The following DLGAP2 variants were observed in gnomAD, a reference collection of about 807,000 sequenced individuals.
DLGAP2 encodes the protein disks large-associated protein 2.
DLGAP2 carries 26 observed loss-of-function variants against 100.3 expected under a neutral mutation model. The ratio of observed to expected loss-of-function variants is 0.26; its 90% CI spans 0.19 to 0.36. DLGAP2 has a LOEUF of 0.36. DLGAP2 is among the 10% of genes least tolerant of loss of function. The probability of loss-of-function intolerance (pLI) is 1.00; values close to 1 mark genes in which losing one functional copy is unlikely to be tolerated. For missense variants in DLGAP2, 1,858 were observed against 1,453.2 expected (o/e 1.28, Z -4.53); for synonymous variants, 886 against 630.1 (o/e 1.41, Z -6.08).
chr8:1,327,986 C>A (rs1801060916), intron 3 of DLGAP2, among the ~76,000 whole-genome samples: 1 of 152,136 alleles, frequency 6.6e-6, no homozygotes, highest in African/African-American at 2.4e-5. Flanking sequence ...CAGAGCAGAG[C>A]CCTTTAGACT....
At chr8:947,842 G>A (rs1203594750) in intron 2 of DLGAP2, among the ~76,000 whole-genome samples, 11 of 138,242 alleles carry the variant, frequency 8.0e-5, no homozygotes, top group Non-Finnish European at 1.4e-4. Context: ...TCCCGACCCC[G>A]TGCCAGCCCA....
At chr8:1,279,652 G>T (rs1446303241) in intron 3 of DLGAP2, among the ~76,000 whole-genome samples, 2 of 152,230 alleles carry the variant, frequency 1.3e-5, no homozygotes, top group Non-Finnish European at 2.9e-5. Context: ...TGCCATGAAG[G>T]TGTCAGCTTG....
At chr8:1,502,757 T>G (rs560367858) in intron 4 of DLGAP2, among the ~76,000 whole-genome samples, 67 of 152,300 alleles carry the variant, frequency 4.4e-4, no homozygotes, top group African/African-American at 1.5e-3. Flanking sequence ...TCTTGAGGCT[T>G]TGGAGGTAGC....
chr8:1,477,436 C>T (rs1287033985), intron 3 of DLGAP2, among the ~76,000 whole-genome samples: 3 of 152,202 alleles, frequency 2.0e-5, no homozygotes, highest in Non-Finnish European at 4.4e-5. Flanking sequence ...CTTTGCCTGT[C>T]CCTGCTGGGC....
intron 3 of DLGAP2, among the ~76,000 whole-genome samples, chr8:1,344,365 C>G (rs1463875971): frequency 6.6e-6 from 1 of 152,180 alleles, no homozygotes; most frequent in East Asian, 1.9e-4. Flanking sequence ...ATGGCCGGGA[C>G]ACAGCTGTGA....
chr8:880,893 A>G (rs765525530), intron 1 of DLGAP2, among the ~76,000 whole-genome samples: 8 of 152,244 alleles, frequency 5.3e-5, no homozygotes. Context: ...ATGCATAAAC[A>G]TAATGCCCTG....
chr8:1,671,691 C>G (rs947618293), intron 10 of DLGAP2, among the ~76,000 whole-genome samples: 11 of 152,236 alleles, frequency 7.2e-5, no homozygotes, highest in Non-Finnish European at 2.9e-5. Context: ...CCTCCTATGG[C>G]CCCCGTCCTC....
rs143819604 is a variant in DLGAP2, at chr8:1,697,070, G to A, written c.2797-77G>A. ...CTAATCCGCCTCTTGAAAGGCATGC[G>A]TGGGGAGGAGTGGCCTCCCCAGCCC... is the stretch of plus-strand genomic sequence containing the variant. On this transcript the variant is annotated intron_variant, in intron 13 of 14. Transcript: ENST00000637795. The A allele has an allele frequency of 4.9e-4, 664 of 1,365,098 alleles. 8 individuals carry two copies. The East Asian group carries it at 0.011, about 23-fold the overall frequency. The allele number at this position is 1,365,098 out of a possible 1,614,324, so 84.6% of individuals were successfully genotyped here. A position where few individuals can be genotyped will look rare whatever the true frequency, so the allele number is the denominator to read the frequency against.
At chr8:963,407 T>G (rs1427585269) in intron 2 of DLGAP2, among the ~76,000 whole-genome samples, 1 of 152,194 alleles carries the variant, frequency 6.6e-6, no homozygotes, top group African/African-American at 2.4e-5. Context: ...AAGAATAACC[T>G]TTTACTGCCT....
chr8:879,079 C>T (rs1797736536), intron 1 of DLGAP2, among the ~76,000 whole-genome samples: 1 of 152,162 alleles, frequency 6.6e-6, no homozygotes, highest in Non-Finnish European at 1.5e-5. Context: ...AACTTGATTA[C>T]ATTATGTTCT....
At chr8:1,567,799 A>C (rs1381631347) in intron 6 of DLGAP2, among the ~76,000 whole-genome samples, 1 of 152,188 alleles carries the variant, frequency 6.6e-6, no homozygotes, top group African/African-American at 2.4e-5. Context: ...TGTGAGCCTG[A>C]GGCCCCCTGA....
Position 1,701,536 on chromosome 8 carries a change from C to G in DLGAP2, c.*130C>G, listed in dbSNP as rs375883543. 7.9e-6 allele frequency: 8 copies of G among 1,016,942 alleles called. No individual in the cohort carries two copies. Among genetic ancestry groups the G allele is most frequent in the South Asian group, 1.7e-5 (1 of 58,922 alleles). The allele number at this position is 1,016,942 out of a possible 1,614,324, so 63.0% of individuals were successfully genotyped here. On this transcript the variant is annotated 3_prime_UTR_variant, in exon 15 of 15. Coordinates refer to ENST00000637795, the MANE Select transcript of DLGAP2 (RefSeq NM_001346810.2). ...CCTCGCTCCCGCGCTCCCCGCGCCC[C>G]GGACACAGCGGGACGCGGCCGGCGG...
At chr8:852,644 C>G (rs558612397) in intron 1 of DLGAP2, among the ~76,000 whole-genome samples, 1 of 152,134 alleles carries the variant, frequency 6.6e-6, no homozygotes, top group Non-Finnish European at 1.5e-5. Context: ...TCCCAGTAGA[C>G]GGGATTTGTA....
chr8:1,164,156 G>GCC (rs59482139), intron 2 of DLGAP2, among the ~76,000 whole-genome samples: 1 of 11,962 alleles, frequency 8.4e-5, no homozygotes, highest in Admixed American at 7.9e-4. Flanking sequence ...TTTTCTGTGA[G>GCC]CCCCCCAGGG....
intron 2 of DLGAP2, among the ~76,000 whole-genome samples, chr8:1,219,598 A>G (rs567467090): frequency 6.6e-6 from 1 of 152,202 alleles, no homozygotes; most frequent in East Asian, 1.9e-4. Context: ...TATCTCTGCC[A>G]GGTTTTGGTA....
chr8:1,668,789 C>A, intron 9 of DLGAP2, 111 bp downstream of exon 9: 1 of 999,206 alleles, frequency 1.0e-6, no homozygotes, highest in Non-Finnish European at 1.4e-6. Context: ...TGACTGTAAC[C>A]CCAGCAGGGC....
chr8:1,668,852 G>C (rs925248588), intron 9 of DLGAP2, among the ~76,000 whole-genome samples, 174 bp downstream of exon 9: 6 of 152,204 alleles, frequency 3.9e-5, no homozygotes, highest in African/African-American at 1.2e-4. Flanking sequence ...TGCCAGCGCA[G>C]TGAGTAGGTG....
At chr8:1,569,844 G>A (rs903219224) in intron 6 of DLGAP2, among the ~76,000 whole-genome samples, 1 of 151,856 alleles carries the variant, frequency 6.6e-6, no homozygotes, top group African/African-American at 2.4e-5. Flanking sequence ...GTTCTGCGGA[G>A]GGCAGGATAG....
At chr8:1,119,083 C>T (rs1175094215) in intron 2 of DLGAP2, among the ~76,000 whole-genome samples, 1 of 152,274 alleles carries the variant, frequency 6.6e-6, no homozygotes, top group East Asian at 1.9e-4. Flanking sequence ...ACTTTATAAC[C>T]GATTCTATTT....
Sources: gnomAD v4.1 joint callset for allele counts (sites outside exome capture counted in the v4.1 genomes callset) on GRCh38, gnomAD v4.1.1 for gene constraint, MANE v1.5 for transcripts, NCBI Gene and HGNC (gene_info 2026-07-23, HGNC 2026-07-21) for gene names.